The following OTOG variants were observed in gnomAD, a reference collection of about 807,000 sequenced individuals.
The protein encoded by OTOG is otogelin.
A neutral mutation model predicts 313.8 loss-of-function variants in OTOG; 296 were observed. The observed-to-expected ratio is 0.94, with a 90% CI of 0.86 to 1.04. The LOEUF is 1.04. Among genes scored for constraint, OTOG ranks in the 50% least tolerant of loss-of-function variants. The probability of loss-of-function intolerance (pLI) is 0.00; values close to 1 mark genes in which losing one functional copy is unlikely to be tolerated. For synonymous variants in OTOG, 1,533 were observed against 1,554.9 expected, an observed-to-expected ratio of 0.99 and a Z score of 0.33; for missense variants, 3,948 against 3,840.1, an observed-to-expected ratio of 1.03 and a Z score of -0.74.
At chr11:17,629,881 G>A (rs1346337339) in intron 40 of OTOG, among the ~76,000 whole-genome samples, 1 of 152,132 alleles carries the variant, frequency 6.6e-6, no homozygotes, top group African/African-American at 2.4e-5. Context: ...GATGTGGGCC[G>A]CTGCTCATTG....
chr11:17,640,594 T>G, intron 49 of OTOG, 151 bp from the exon 50 acceptor site: 1 of 696,894 alleles, frequency 1.4e-6, no homozygotes. Context: ...GGGACTGAGC[T>G]TCCAGGCTGC....
chr11:17,606,260 G>A (rs1853387138), intron 33 of OTOG, 125 bp downstream of exon 33: 2 of 1,239,542 alleles, frequency 1.6e-6, no homozygotes, highest in East Asian at 2.6e-5. Flanking sequence ...TCCTGGCACA[G>A]GGGCCACATG....
Position 17,593,179 on chromosome 11 carries a change from TA to T in OTOG, c.3007-13del, listed in dbSNP as rs1466525889. ...TCTCCCTTGTTTTATTGGACTCACT[TA>T]TTCTCTCCTCAGAGCACATCAGATG... On this transcript the variant is annotated splice_polypyrimidine_tract_variant and intron_variant, in intron 25 of 55. Transcript: ENST00000399397. The T allele has an allele frequency of 3.5e-5, 54 of 1,548,088 alleles. No homozygotes were observed. The highest frequency in any genetic ancestry group is 4.5e-5 in the Non-Finnish European group (51 of 1,145,410).
Position 17,557,190 on chromosome 11 carries a change from G to A in OTOG, c.732G>A (p.Gln244=), listed in dbSNP as rs1852074856. 1 of 1,550,524 alleles carries A rather than the reference G, an allele frequency of 6.4e-7. No individual in the cohort carries two copies. Residue 244 remains glutamine, a synonymous_variant, in exon 8 of 56, where the codon CAG becomes CAA. Transcript: ENST00000399397. ...CCGGCTATGTCATCGTGCGGCATCA[G>A]TCAGCCTTCACACTGGCCTGGGATG... is the stretch of plus-strand genomic sequence containing the variant. The part of the protein sequence containing the change: ...QLAGYVIVRH[Q]SAFTLAWDGA...
Position 17,605,969 on chromosome 11 carries a change from G to C in OTOG, c.3990G>C (p.Gln1330His). The C allele has an allele frequency of 6.4e-7, 1 of 1,550,610 alleles. No homozygotes were observed. The highest frequency in any genetic ancestry group is 8.7e-7 in the Non-Finnish European group (1 of 1,146,996). Reference protein sequence around the residue: ...AKWQGRDTFQQHASFLLHRGT... With the variant: ...AKWQGRDTFQHHASFLLHRGT... ...GGCAGGGCCGTGACACCTTCCAACAGCATGCCTCCTTCTTGCTGCACCGGG... is the reference window on the plus strand; with the variant it reads ...GGCAGGGCCGTGACACCTTCCAACACCATGCCTCCTTCTTGCTGCACCGGG... The change falls in exon 33 of 56, where the codon CAG (glutamine) becomes CAC (histidine). Residue 1330 changes from glutamine (Q) to histidine (H), a missense_variant. Coordinates refer to ENST00000399397, the MANE Select transcript of OTOG (RefSeq NM_001292063.2).
At chr11:17,565,026 T>C (rs1852269294) in intron 15 of OTOG, among the ~76,000 whole-genome samples, 1 of 152,210 alleles carries the variant, frequency 6.6e-6, no homozygotes, top group African/African-American at 2.4e-5. Context: ...TTCCTGTCTA[T>C]CTTACGCCCA....
At chr11:17,555,009 C>T (rs1852022472) in intron 6 of OTOG, among the ~76,000 whole-genome samples, 1 of 152,214 alleles carries the variant, frequency 6.6e-6, no homozygotes, top group African/African-American at 2.4e-5. Context: ...GGGTAGCTTT[C>T]ACAGTTCCCA....
Position 17,612,187 on chromosome 11 carries a change from G to T in OTOG, c.6149G>T (p.Arg2050Leu). The T allele has an allele frequency of 6.5e-7, 1 of 1,549,788 alleles. No individual in the cohort carries two copies. The change falls in exon 37 of 56, where the codon CGC (arginine) becomes CTC (leucine). Residue 2050 changes from arginine to leucine, a missense_variant. Coordinates refer to ENST00000399397, the MANE Select transcript of OTOG (RefSeq NM_001292063.2). ...CCAATCGCCGAGCAGGACTGCGTCCGCCACATCTGCCTGGAGGGCCAGCTG... is the reference window on the plus strand; with the variant it reads ...CCAATCGCCGAGCAGGACTGCGTCCTCCACATCTGCCTGGAGGGCCAGCTG... ...CVPIAEQDCV[R>L]HICLEGQLIR...
chr11:17,569,275 G>T lies in OTOG; in HGVS notation c.1764G>T (p.Pro588=), dbSNP rs1404142907. ...TGTTTGACCAGTACAAGATCATCCCGCCATACACAGATGGTACGGTTTGGG... is the reference window on the plus strand; with the variant it reads ...TGTTTGACCAGTACAAGATCATCCCTCCATACACAGATGGTACGGTTTGGG... ...VLLFDQYKII[P]PYTDDAFEIR... Residue 588 remains proline (P), a synonymous_variant, in exon 16 of 56, where the codon CCG becomes CCT. Coordinates refer to ENST00000399397, the MANE Select transcript of OTOG (RefSeq NM_001292063.2). 6.4e-7 allele frequency: 1 copy of T among 1,550,554 alleles called. No homozygotes were observed. Among genetic ancestry groups the T allele is most frequent in the Non-Finnish European group, 8.7e-7 (1 of 1,146,978 alleles).
chr11:17,607,570 A>C (rs1047423732), intron 33 of OTOG, among the ~76,000 whole-genome samples: 1 of 152,238 alleles, frequency 6.6e-6, no homozygotes, highest in African/African-American at 2.4e-5. Context: ...ATGAGGTTGA[A>C]TGAGTAAATC....
intron 19 of OTOG, 113 bp downstream of exon 19, chr11:17,573,403 C>T (rs1362792971): frequency 1.7e-6 from 2 of 1,162,402 alleles, no homozygotes; most frequent in Non-Finnish European, 2.4e-6. Flanking sequence ...TCCAGCCTGA[C>T]TGCACCCAGA....
In OTOG at chr11:17,637,694, C is replaced by A. The variant is rs750110; in HGVS notation, c.7796-757C>A. 3.9e-5 allele frequency among the ~76,000 whole-genome samples: 6 copies of A among 152,216 alleles called. No homozygotes were observed. The East Asian group carries it at 1.2e-3, about 29-fold the overall frequency. ...CCAGATTAGGGTGATGACCGTAATC[C>A]TAAGATCTCTCCATCTTACATTTTT... On this transcript the variant is annotated intron_variant, in intron 47 of 55. Transcript: ENST00000399397.
At chr11:17,643,764 A>T (rs1848020177) in intron 54 of OTOG, among the ~76,000 whole-genome samples, 2 of 152,214 alleles carry the variant, frequency 1.3e-5, no homozygotes, top group South Asian at 4.1e-4. Flanking sequence ...ACATTGGGGC[A>T]TAGCATTCAG....
intron 39 of OTOG, among the ~76,000 whole-genome samples, chr11:17,619,928 G>T (rs1396113795): frequency 1.3e-5 from 2 of 152,084 alleles, no homozygotes; most frequent in Non-Finnish European, 2.9e-5. Flanking sequence ...ATGTAGTACA[G>T]ATCTACTGGT....
chr11:17,643,970 G>A (rs188515087), intron 54 of OTOG, among the ~76,000 whole-genome samples: 23 of 152,282 alleles, frequency 1.5e-4, no homozygotes, highest in South Asian at 4.2e-4. Context: ...GTCCACTGTC[G>A]CCCAGGTACT....
In OTOG at chr11:17,573,211, C is replaced by T. The variant is rs529043916; in HGVS notation, c.2214C>T (p.Cys738=). 824 of 1,537,690 alleles carry T rather than the reference C, an allele frequency of 5.4e-4. 6 individuals are homozygous for T. The South Asian group carries it at 8.5e-3, about 16-fold the overall frequency. The part of the protein sequence containing the change: ...DACRCGQPCL[C]ATLAHYAHLC... ...GCCGCTGCGGGCAGCCCTGCCTGTGCGCCACACTGGCCCACTACGCCCACC... is the reference window on the plus strand; with the variant it reads ...GCCGCTGCGGGCAGCCCTGCCTGTGTGCCACACTGGCCCACTACGCCCACC... Residue 738 remains cysteine, a synonymous_variant, in exon 19 of 56, where the codon TGC becomes TGT. Transcript: ENST00000399397.
In OTOG at chr11:17,584,565, G is replaced by A. The variant is rs552574460; in HGVS notation, c.2760-1909G>A. On this transcript the variant is annotated intron_variant, in intron 23 of 55. Transcript: ENST00000399397. Reference sequence around the variant, plus strand: ...TTTTGAAACAGAGTCTCAATCTGTCGCCCAGGCTGGAGTGCAGTGCCTCAA... The same window carrying A: ...TTTTGAAACAGAGTCTCAATCTGTCACCCAGGCTGGAGTGCAGTGCCTCAA... Among the ~76,000 whole-genome samples, 22 of 150,108 alleles carry A rather than the reference G, an allele frequency of 1.5e-4. No individual in the cohort carries two copies. The East Asian group carries it at 2.1e-3, about 15-fold the overall frequency.
chr11:17,632,317 T>A (rs1854151321), intron 42 of OTOG, 91 bp downstream of exon 42: 2 of 1,338,618 alleles, frequency 1.5e-6, no homozygotes, highest in Non-Finnish European at 2.0e-6. Flanking sequence ...CAAGTTCATG[T>A]ATGCTTTCCC....
chr11:17,613,200 TTTCTTTC>T (rs906543708), intron 38 of OTOG, among the ~76,000 whole-genome samples: 33 of 65,846 alleles, frequency 5.0e-4, no homozygotes, highest in Admixed American at 1.5e-3. Context: ...CTTTCTTTTC[TTTCTTTC>T]TTTCTTTCTT....
Sources: allele counts gnomAD v4.1 joint callset (sites outside exome capture counted in the v4.1 genomes callset), GRCh38; gene constraint gnomAD v4.1.1; transcripts MANE v1.5; gene names NCBI Gene and HGNC (gene_info 2026-07-23, HGNC 2026-07-21).